Variants in TBCEL observed in about 807,000 individuals in gnomAD.
TBCEL encodes tubulin folding cofactor E like.
Under a neutral mutation model 44.2 loss-of-function variants are expected in TBCEL, and 15 were observed. The observed-to-expected ratio is 0.34, with a 90% CI of 0.23 to 0.52. The LOEUF (loss-of-function observed/expected upper bound fraction) is 0.52. Ranked by LOEUF, TBCEL falls within the 20% of genes least tolerant of loss-of-function variation. The pLI, the probability that TBCEL is intolerant of heterozygous loss-of-function variation, is 0.95. For synonymous variants in TBCEL, 171 were observed against 185.4 expected (o/e 0.92, Z 0.63); for missense variants, 319 against 506.3 (o/e 0.63, Z 3.55).
intron 8 of TBCEL, among the ~76,000 whole-genome samples, chr11:121,063,383 T>C (rs1259587932): frequency 1.3e-5 from 2 of 152,196 alleles, no homozygotes; most frequent in Non-Finnish European, 2.9e-5. Context: ...CCCTAATGCA[T>C]TCCTTGCACA....
intron 4 of TBCEL, among the ~76,000 whole-genome samples, chr11:121,051,638 G>A (rs1945530931): frequency 6.6e-6 from 1 of 151,772 alleles, no homozygotes; most frequent in Non-Finnish European, 1.5e-5. Flanking sequence ...GGTACCATTT[G>A]ATCGCAAAAG....
chr11:121,060,098 C>A lies in TBCEL; in HGVS notation c.956+13C>A. ...AAGTGCCATTCAGGTAAAAAATTCC[C>A]CATTGGCCAAACACTTTAGAGGGTG... On this transcript the variant is annotated intron_variant, in intron 8 of 8. Coordinates refer to ENST00000683345, the MANE Select transcript of TBCEL (RefSeq NM_001363644.2). 6.3e-7 allele frequency: 1 copy of A among 1,588,402 alleles called. No homozygotes were observed. Among genetic ancestry groups the A allele is most frequent in the Non-Finnish European group, 8.6e-7 (1 of 1,158,144 alleles).
rs367597783 is a variant in TBCEL at position 121,032,458 on chromosome 11, ATAAATAGATAATTTTGTTT to A, written c.-125-4044_-125-4026del. 1.4e-3 allele frequency among the ~76,000 whole-genome samples: 215 copies of A among 152,386 alleles called. 2 individuals carry two copies. Among genetic ancestry groups the A allele is most frequent in the African/African-American group, 5.0e-3 (206 of 41,598 alleles). On this transcript the variant is annotated intron_variant, in intron 1 of 8. Coordinates refer to ENST00000683345, the MANE Select transcript of TBCEL (RefSeq NM_001363644.2). ...CTGATCATAACATTTTTGTCAAGTG[ATAAATAGATAATTTTGTTT>A]TATATTAGTTTCTGTTTAAAGACAT... is the stretch of plus-strand genomic sequence containing the variant.
At position 121,090,684 on chromosome 11, in the gene TBCEL, A is replaced by G. The variant is rs955430261; in HGVS notation, c.*3588A>G. 4 of 149,754 alleles carry G rather than the reference A, an allele frequency of 2.7e-5. No homozygotes were observed. The highest frequency in any genetic ancestry group is 4.4e-5 in the Non-Finnish European group (3 of 67,536). 9.3% of individuals were successfully genotyped at this position (149,754 alleles called of 1,614,324 possible). A position where few individuals can be genotyped will look rare whatever the true frequency, so the allele number is the denominator to read the frequency against. ...ACATATATATATATATTTTATTTAG[A>G]ATATAATTTAAACATGAAGGTCTAT... is the stretch of plus-strand genomic sequence containing the variant. On this transcript the variant is annotated 3_prime_UTR_variant, in exon 9 of 9. Coordinates refer to ENST00000683345, the MANE Select transcript of TBCEL (RefSeq NM_001363644.2).
At chr11:121,031,268 A>C (rs975902688) in intron 1 of TBCEL, among the ~76,000 whole-genome samples, 1 of 152,066 alleles carries the variant, frequency 6.6e-6, no homozygotes, top group Admixed American at 6.5e-5. Context: ...GTAATAAATT[A>C]TTTTCCAAGG....
intron 8 of TBCEL, among the ~76,000 whole-genome samples, chr11:121,074,395 A>G (rs534304881): frequency 6.6e-6 from 1 of 151,978 alleles, no homozygotes; most frequent in Non-Finnish European, 1.5e-5. Context: ...TACATTCTGT[A>G]CTCTATGTTT....
At chr11:121,084,110 T>G (rs1032967079) in intron 8 of TBCEL, among the ~76,000 whole-genome samples, 1 of 152,224 alleles carries the variant, frequency 6.6e-6, no homozygotes, top group Non-Finnish European at 1.5e-5. Flanking sequence ...AGAGCCCTTG[T>G]GACCTAGTCG....
intron 7 of TBCEL, among the ~76,000 whole-genome samples, chr11:121,058,930 C>T (rs1945670183): frequency 6.6e-6 from 1 of 151,840 alleles, no homozygotes; most frequent in African/African-American, 2.4e-5. Context: ...TAAATATGAC[C>T]ACAATTATTA....
At chr11:121,062,299 C>CT (rs927164920) in intron 8 of TBCEL, among the ~76,000 whole-genome samples, 2 of 151,830 alleles carry the variant, frequency 1.3e-5, no homozygotes, top group Admixed American at 6.6e-5. Flanking sequence ...CAGTTAATTT[C>CT]TTTTTTTTAT....
chr11:121,059,862 G>A, intron 7 of TBCEL, 107 bp from the exon 8 acceptor site: 3 of 762,526 alleles, frequency 3.9e-6, no homozygotes, highest in Non-Finnish European at 6.3e-6. Context: ...TACATCAAAT[G>A]TGTCCTTTCA....
At chr11:121,061,434 C>T (rs1263213025) in intron 8 of TBCEL, among the ~76,000 whole-genome samples, 1 of 151,912 alleles carries the variant, frequency 6.6e-6, no homozygotes, top group African/African-American at 2.4e-5. Flanking sequence ...TACGTCCATA[C>T]AGTCATCCAT....
chr11:121,087,108 C>CAG lies in TBCEL; in HGVS notation c.*12_*13insAG. 1 of 1,604,606 alleles carries CAG rather than the reference C, an allele frequency of 6.2e-7. No homozygotes were observed. The highest frequency in any genetic ancestry group is 1.3e-5 in the African/African-American group (1 of 74,388). On this transcript the variant is annotated 3_prime_UTR_variant, in exon 9 of 9. Transcript: ENST00000683345. ...CCAAAACAAAATAACCTCTACCAGC[C>CAG]TTGTGAAAAACATACACATAAGGAC...
At chr11:121,084,140 G>C (rs1056322096) in intron 8 of TBCEL, among the ~76,000 whole-genome samples, 1 of 152,200 alleles carries the variant, frequency 6.6e-6, no homozygotes, top group Admixed American at 6.5e-5. Context: ...GGTGCCCCCT[G>C]TCAGCACTGT....
In TBCEL at chr11:121,063,859, A is replaced by G. The variant is rs1945769383; in HGVS notation, c.956+3774A>G. ...CTACACTTTTGGAAGTTTTACTTGT[A>G]TTTGGTTTTAGTAGTCTTAGATTAA... is the stretch of plus-strand genomic sequence containing the variant. On this transcript the variant is annotated intron_variant, in intron 8 of 8. Transcript: ENST00000683345. Among the ~76,000 whole-genome samples the G allele has an allele frequency of 3.3e-5, 5 of 152,262 alleles. No homozygotes were observed. The South Asian group carries it at 1.0e-3, about 32-fold the overall frequency.
At chr11:121,076,326 T>C (rs1946032559) in intron 8 of TBCEL, among the ~76,000 whole-genome samples, 1 of 151,976 alleles carries the variant, frequency 6.6e-6, no homozygotes, top group South Asian at 2.1e-4. Flanking sequence ...AGTATCTCTT[T>C]CCATTTATTT....
intron 8 of TBCEL, among the ~76,000 whole-genome samples, chr11:121,072,901 A>T (rs370945715): frequency 2.0e-5 from 3 of 152,142 alleles, no homozygotes; most frequent in East Asian, 3.8e-4. Flanking sequence ...ATCTGGCCCC[A>T]TATGGATAAT....
chr11:121,084,651 C>G (rs1377955031), intron 8 of TBCEL, among the ~76,000 whole-genome samples: 1 of 152,060 alleles, frequency 6.6e-6, no homozygotes, highest in African/African-American at 2.4e-5. Flanking sequence ...TTTTGTTACT[C>G]CTAGGCAAAA....
intron 8 of TBCEL, among the ~76,000 whole-genome samples, chr11:121,067,893 C>A (rs911251089): frequency 1.3e-5 from 2 of 152,194 alleles, no homozygotes; most frequent in South Asian, 4.1e-4. Flanking sequence ...GGGCTTCAAG[C>A]TAGAGATAAA....
intron 6 of TBCEL, chr11:121,057,623 G>A (rs1156402609): frequency 2.2e-6 from 1 of 454,748 alleles, no homozygotes; most frequent in Non-Finnish European, 4.4e-6. Flanking sequence ...GGGTAGTTGT[G>A]TCTGCACTGA....
Sources: gnomAD v4.1 joint callset for allele counts (sites outside exome capture counted in the v4.1 genomes callset) on GRCh38, gnomAD v4.1.1 for gene constraint, MANE v1.5 for transcripts, NCBI Gene and HGNC (gene_info 2026-07-23, HGNC 2026-07-21) for gene names.